FRMD4B: variants seen among roughly 807,000 people sequenced by gnomAD.
FRMD4B encodes the protein FERM domain-containing protein 4B.
Under a neutral mutation model 141.5 loss-of-function variants are expected in FRMD4B, and 74 were observed. The ratio of observed to expected loss-of-function variants is 0.52; its 90% CI spans 0.43 to 0.63. FRMD4B has a LOEUF of 0.63. Ranked by LOEUF, FRMD4B falls within the 30% of genes least tolerant of loss-of-function variation. The pLI, the probability that FRMD4B is intolerant of heterozygous loss-of-function variation, is 0.00. For missense variants in FRMD4B, 1,366 were observed against 1,253.4 expected (o/e 1.09, Z -1.36); for synonymous variants, 506 against 467.9 (o/e 1.08, Z -1.05).
chr3:69,305,243 C>G (rs1701354871), intron 3 of FRMD4B, among the ~76,000 whole-genome samples: 1 of 152,154 alleles, frequency 6.6e-6, no homozygotes, highest in South Asian at 2.1e-4. Context: ...GACTCAGTCT[C>G]TGATACTCAG....
chr3:69,231,936 G>T (rs1255570882), intron 7 of FRMD4B, among the ~76,000 whole-genome samples: 4 of 152,216 alleles, frequency 2.6e-5, no homozygotes. Flanking sequence ...CGGGGAATCT[G>T]TCTGGGAGCC....
rs183139429 is a variant in FRMD4B at position 69,250,698 on chromosome 3, T to G, written c.502-599A>C. ...AAAATTCTGTTGATTTATATTGAAGTTCGAGGAACTCTAATTTATCAGTTT... is the reference window on the plus strand; with the variant it reads ...AAAATTCTGTTGATTTATATTGAAGGTCGAGGAACTCTAATTTATCAGTTT... On this transcript the variant is annotated intron_variant, in intron 5 of 22. Transcript: ENST00000398540. 8.1e-4 allele frequency among the ~76,000 whole-genome samples: 123 copies of G among 151,984 alleles called. 1 individual carries two copies. Among genetic ancestry groups the G allele is most frequent in the African/African-American group, 2.7e-3 (114 of 41,484 alleles).
chr3:69,502,981 T>C lies in FRMD4B; in HGVS notation c.-129+39225A>G, dbSNP rs542302313. Reference sequence around the variant, plus strand: ...AGAAAAATGCAAATCAAAACCACAATGAGACAGCATCTCATACCAGTTAGA... The same window carrying C: ...AGAAAAATGCAAATCAAAACCACAACGAGACAGCATCTCATACCAGTTAGA... On this transcript the variant is annotated intron_variant, in intron 1 of 5. Coordinates refer to the FRMD4B transcript ENST00000459638. Among the ~76,000 whole-genome samples, 67 of 152,150 alleles carry C rather than the reference T, an allele frequency of 4.4e-4. 2 individuals carry two copies. The highest frequency in any genetic ancestry group is 1.3e-3 in the African/African-American group (55 of 41,518).
At chr3:69,506,048 C>G (rs554281813) in intron 1 of FRMD4B, among the ~76,000 whole-genome samples, 7 of 152,274 alleles carry the variant, frequency 4.6e-5, no homozygotes, top group African/African-American at 1.7e-4. Flanking sequence ...AATAGGATGG[C>G]TTATGGTGCC....
chr3:69,237,549 G>A (rs1382267236), intron 7 of FRMD4B, among the ~76,000 whole-genome samples: 11 of 152,176 alleles, frequency 7.2e-5, no homozygotes, highest in African/African-American at 2.2e-4. Flanking sequence ...GTGTGAGCAT[G>A]CAAAGAAGGC....
intron 7 of FRMD4B, among the ~76,000 whole-genome samples, chr3:69,238,695 G>A (rs1180357284): frequency 6.6e-6 from 1 of 152,140 alleles, no homozygotes. Context: ...AGATGGGAAG[G>A]TCACTTATGC....
intron 7 of FRMD4B, among the ~76,000 whole-genome samples, chr3:69,235,628 C>T (rs761534059): frequency 6.6e-6 from 1 of 151,690 alleles, no homozygotes; most frequent in Admixed American, 6.6e-5. Context: ...CACTGTACTC[C>T]AGCCTGGACA....
At chr3:69,390,207 T>A (rs1350418824), upstream of FRMD4B, among the ~76,000 whole-genome samples, 1 of 152,160 alleles carries the variant, frequency 6.6e-6, no homozygotes, top group Non-Finnish European at 1.5e-5. Flanking sequence ...AATGGCAGCT[T>A]CCAGTGGTCC....
At chr3:69,526,744 C>A (rs1294233968) in intron 1 of FRMD4B, among the ~76,000 whole-genome samples, 2 of 152,144 alleles carry the variant, frequency 1.3e-5, no homozygotes, top group African/African-American at 4.8e-5. Context: ...AGGCACTCAA[C>A]AGGAGTTAGC....
At chr3:69,360,179 G>A (rs1261355124) in intron 1 of FRMD4B, among the ~76,000 whole-genome samples, 3 of 151,652 alleles carry the variant, frequency 2.0e-5, no homozygotes, top group Non-Finnish European at 4.4e-5. Context: ...CACACAAAAA[G>A]TCAAAGACCA....
At chr3:69,503,799 G>A (rs9853411) in intron 1 of FRMD4B, among the ~76,000 whole-genome samples, 33,621 of 152,066 alleles carry the variant, frequency 0.22, 3,907 homozygotes, top group African/African-American at 0.27. Flanking sequence ...GTTAGTATTT[G>A]TTACCGGGCA....
intron 5 of FRMD4B, among the ~76,000 whole-genome samples, chr3:69,265,123 T>C (rs2093552315): frequency 6.7e-6 from 1 of 149,458 alleles, no homozygotes; most frequent in Admixed American, 6.7e-5. Context: ...GGGGCAGTGG[T>C]GGGCGCCTGT....
At position 69,302,516 on chromosome 3, in the gene FRMD4B, C is replaced by T. The variant is rs900791536; in HGVS notation, c.324-81G>A. ...ACGTACAGTGTTGGCAAAGCTGTGG[C>T]GAAATAGTTGCTCTCATACACCGAT... On this transcript the variant is annotated intron_variant, in intron 3 of 22. Transcript: ENST00000398540. 5.5e-5 allele frequency: 46 copies of T among 834,500 alleles called. 1 individual carries two copies. In the Middle Eastern group the frequency reaches 1.1e-3, roughly 20 times the overall value. The allele number at this position is 834,500 out of a possible 1,614,324, so 51.7% of individuals were successfully genotyped here.
chr3:69,406,703 T>C (rs1704655083), intron 2 of FRMD4B, among the ~76,000 whole-genome samples: 1 of 152,222 alleles, frequency 6.6e-6, no homozygotes, highest in South Asian at 2.1e-4. Context: ...TTTAGCCAAG[T>C]CTTACCAAAT....
intron 2 of FRMD4B, among the ~76,000 whole-genome samples, chr3:69,392,650 T>C (rs1040851291): frequency 2.0e-5 from 3 of 152,028 alleles, no homozygotes; most frequent in African/African-American, 4.8e-5. Flanking sequence ...TCGGGAACCA[T>C]GGGGCCTTCA....
chr3:69,472,935 TTTC>T lies in FRMD4B; in HGVS notation c.-128-40177_-128-40175del, dbSNP rs1347281328. Among the ~76,000 whole-genome samples the T allele has an allele frequency of 1.9e-3, 228 of 118,176 alleles. 8 individuals carry two copies. Among genetic ancestry groups the T allele is most frequent in the African/African-American group, 7.1e-3 (195 of 27,564 alleles). 77.5% of individuals were successfully genotyped at this position (118,176 alleles called of 152,430 possible). A position where few individuals can be genotyped will look rare whatever the true frequency, so the allele number is the denominator to read the frequency against. ...TTCAAGTGAGTCTTTCTTTTTTTTTTTTCTTTTTTTTTTTTTTTGGCTTAGGGG... is the reference window on the plus strand; with the variant it reads ...TTCAAGTGAGTCTTTCTTTTTTTTTTTTTTTTTTTTTTTTTGGCTTAGGGG... On this transcript the variant is annotated intron_variant, in intron 1 of 5. Transcript: ENST00000459638.
Position 69,456,150 on chromosome 3 carries a change from A to C in FRMD4B, c.-128-23389T>G, listed in dbSNP as rs141778296. On this transcript the variant is annotated intron_variant, in intron 1 of 5. Transcript: ENST00000459638. Reference sequence around the variant, plus strand: ...GATGCCCCCAGAGACAAAACATCTGAAACAGGGCTCCCTACCTCTTCCTTT... The same window carrying C: ...GATGCCCCCAGAGACAAAACATCTGCAACAGGGCTCCCTACCTCTTCCTTT... Among the ~76,000 whole-genome samples, 529 of 152,322 alleles carry C rather than the reference A, an allele frequency of 3.5e-3. 5 individuals carry two copies. Among genetic ancestry groups the C allele is most frequent in the African/African-American group, 0.012 (494 of 41,578 alleles).
At chr3:69,537,573 G>A (rs1284000862) in intron 1 of FRMD4B, among the ~76,000 whole-genome samples, 1 of 152,190 alleles carries the variant, frequency 6.6e-6, no homozygotes, top group East Asian at 1.9e-4. Context: ...TGGGACTGTT[G>A]TGGGTTTTTA....
At chr3:69,379,514 A>G (rs1428081886) in intron 1 of FRMD4B, among the ~76,000 whole-genome samples, 4 of 152,158 alleles carry the variant, frequency 2.6e-5, no homozygotes, top group Admixed American at 6.5e-5. Flanking sequence ...CCTGGGCTCA[A>G]GTGACCTGCC....
Sources: gnomAD v4.1 joint callset for allele counts (sites outside exome capture counted in the v4.1 genomes callset) on GRCh38, gnomAD v4.1.1 for gene constraint, MANE v1.5 for transcripts, NCBI Gene and HGNC (gene_info 2026-07-23, HGNC 2026-07-21) for gene names.